Variants in ARHGEF10L observed in about 807,000 individuals in gnomAD.
The protein encoded by ARHGEF10L is rho guanine nucleotide exchange factor 10-like protein.
A neutral mutation model predicts 141.2 loss-of-function variants in ARHGEF10L; 69 were observed. That is an observed-to-expected ratio of 0.49 (90% CI 0.40 to 0.60). The LOEUF (loss-of-function observed/expected upper bound fraction) is 0.60, where lower values mean the gene tolerates loss of function less well. Among genes scored for constraint, ARHGEF10L ranks in the 20% least tolerant of loss-of-function variants. The probability of loss-of-function intolerance (pLI) is 0.00; values close to 1 mark genes in which losing one functional copy is unlikely to be tolerated. For missense variants in ARHGEF10L, 1,482 were observed against 1,734.3 expected (o/e 0.85, Z 2.58); for synonymous variants, 711 against 718.5 (o/e 0.99, Z 0.17).
intron 26 of ARHGEF10L, among the ~76,000 whole-genome samples, chr1:17,671,872 G>A (rs1461541414): frequency 6.6e-6 from 1 of 152,246 alleles, no homozygotes; most frequent in African/African-American, 2.4e-5. Context: ...CAGGCCTGAC[G>A]CAGAGCAGGT....
chr1:17,646,728 C>T (rs1410503585), intron 21 of ARHGEF10L, among the ~76,000 whole-genome samples: 10 of 151,874 alleles, frequency 6.6e-5, no homozygotes. Flanking sequence ...GCAGGCCTCT[C>T]TGAGAAGGAG....
chr1:17,697,117 C>A lies in ARHGEF10L; in HGVS notation c.3577C>A (p.Pro1193Thr). 1 of 1,610,130 alleles carries A rather than the reference C, an allele frequency of 6.2e-7. No individual in the cohort carries two copies. Among genetic ancestry groups the A allele is most frequent in the Non-Finnish European group, 8.5e-7 (1 of 1,178,332 alleles). ...GGGCCCGCTGCTCTCCATGCGGGAG[C>A]CGGCGCCTGCTGATGGCGCAGCTTT... ...LPGPLLSMRE[P>T]APADGAALEH... The change falls in exon 29 of 29, where the codon CCG becomes ACG. Residue 1193 changes from proline to threonine, a missense_variant. Transcript: ENST00000361221. The surrounding 1 kb of genome is among the most constrained non-coding windows in gnomAD (Gnocchi z 4.8).
At chr1:17,606,475 G>A (rs2081182926) in intron 6 of ARHGEF10L, among the ~76,000 whole-genome samples, 1 of 151,684 alleles carries the variant, frequency 6.6e-6, no homozygotes, top group African/African-American at 2.4e-5. Flanking sequence ...TGTATTTTTA[G>A]TAGAGATGGG....
chr1:17,638,560 A>G lies in ARHGEF10L; in HGVS notation c.2044-2A>G. The G allele has an allele frequency of 6.2e-7, 1 of 1,614,196 alleles. No individual in the cohort carries two copies. Among genetic ancestry groups the G allele is most frequent in the Admixed American group, 1.7e-5 (1 of 60,030 alleles). On this transcript the variant is annotated splice_acceptor_variant, in intron 19 of 28. Coordinates refer to ENST00000361221, the MANE Select transcript of ARHGEF10L (RefSeq NM_018125.4). LOFTEE classifies it high-confidence loss of function. ...TGACCTCATTGGCCTCCTGAACCCT[A>G]GAACCTGAACATGACTGTGGCTCAA...
Position 17,623,199 on chromosome 1 carries a change from C to G in ARHGEF10L, c.1200+24C>G. ...CGGTAAGTGTCCCCAAACTTTTTCC[C>G]CAGCCCACCAAGGTAAAACCACAAC... On this transcript the variant is annotated intron_variant, in intron 12 of 28. Coordinates refer to ENST00000361221, the MANE Select transcript of ARHGEF10L (RefSeq NM_018125.4). The surrounding 1 kb of genome is among the most constrained non-coding windows in gnomAD (Gnocchi z 4.7). 6.2e-7 allele frequency: 1 copy of G among 1,606,696 alleles called. No homozygotes were observed. The highest frequency in any genetic ancestry group is 8.5e-7 in the Non-Finnish European group (1 of 1,176,278).
At chr1:17,526,170 C>T in the ARHGEF10L span, among the ~76,000 whole-genome samples, 2 of 152,188 alleles carry the variant, frequency 1.3e-5, no homozygotes, top group Non-Finnish European at 2.9e-5. Context: ...TCTGGGTTCC[C>T]TGCCAGTGCT....
At chr1:17,652,409 C>T (rs1261341062) in intron 22 of ARHGEF10L, among the ~76,000 whole-genome samples, 1 of 152,172 alleles carries the variant, frequency 6.6e-6, no homozygotes, top group African/African-American at 2.4e-5. Context: ...GGAATGCTGC[C>T]TCAGCTCATG....
At chr1:17,535,968 T>C (rs1156349996), upstream of ARHGEF10L, among the ~76,000 whole-genome samples, 1 of 152,164 alleles carries the variant, frequency 6.6e-6, no homozygotes, top group Non-Finnish European at 1.5e-5. Flanking sequence ...ATGTGGTAGG[T>C]TGGGCACACT....
chr1:17,566,462 C>T (rs2077760282), intron 1 of ARHGEF10L, among the ~76,000 whole-genome samples: 1 of 152,234 alleles, frequency 6.6e-6, no homozygotes, highest in South Asian at 2.1e-4. Context: ...TCCCCAACAT[C>T]CCATGTACCT....
At chr1:17,593,861 GA>G (rs1256015781) in intron 4 of ARHGEF10L, among the ~76,000 whole-genome samples, 1 of 151,740 alleles carries the variant, frequency 6.6e-6, no homozygotes, top group African/African-American at 2.4e-5. Flanking sequence ...CCAGACCTGG[GA>G]GAGAGCGTCA....
Position 17,697,104 on chromosome 1 carries a change from C to G in ARHGEF10L, c.3564C>G (p.Leu1188=), listed in dbSNP as rs768135814. ...CCGCACACCTCCCGGGCCCGCTGCT[C>G]TCCATGCGGGAGCCGGCGCCTGCTG... The part of the protein sequence containing the change: ...RSTAHLPGPL[L]SMREPAPADG... The change falls in exon 29 of 29, where the codon CTC becomes CTG. Residue 1188 remains leucine (L), a synonymous_variant. Coordinates refer to ENST00000361221, the MANE Select transcript of ARHGEF10L (RefSeq NM_018125.4). This position sits in a 1 kb window ranked among gnomAD's most constrained non-coding sequence, Gnocchi z 4.8. 3 of 1,609,448 alleles carry G rather than the reference C, an allele frequency of 1.9e-6. No homozygotes were observed. Among genetic ancestry groups the G allele is most frequent in the Non-Finnish European group, 2.5e-6 (3 of 1,177,840 alleles).
intron 25 of ARHGEF10L, among the ~76,000 whole-genome samples, chr1:17,663,663 C>T (rs1571361538): frequency 2.0e-5 from 3 of 152,136 alleles, no homozygotes; most frequent in East Asian, 1.9e-4. Context: ...GCCTTGGAGT[C>T]GGCCAGAAGA....
chr1:17,552,590 T>C (rs1315589653), intron 1 of ARHGEF10L, among the ~76,000 whole-genome samples: 1 of 119,294 alleles, frequency 8.4e-6, no homozygotes. Context: ...TTTTTTTTTT[T>C]TTTTTTTTTT....
chr1:17,577,568 G>T (rs900497755), intron 1 of ARHGEF10L, among the ~76,000 whole-genome samples: 3 of 152,222 alleles, frequency 2.0e-5, no homozygotes, highest in Non-Finnish European at 2.9e-5. Flanking sequence ...CAGCCTGTGT[G>T]TGCAAAATGG....
At chr1:17,536,234 C>A (rs925469056), upstream of ARHGEF10L, among the ~76,000 whole-genome samples, 9 of 152,178 alleles carry the variant, frequency 5.9e-5, no homozygotes, top group African/African-American at 2.2e-4. Flanking sequence ...AATCCCGGCA[C>A]TTTGGGAGGC....
chr1:17,668,902 G>A (rs972756360), intron 26 of ARHGEF10L, among the ~76,000 whole-genome samples: 9 of 152,164 alleles, frequency 5.9e-5, no homozygotes, highest in Admixed American at 6.5e-5. Flanking sequence ...TGCTGCTAAC[G>A]ACTGCTTGAC....
intron 4 of ARHGEF10L, among the ~76,000 whole-genome samples, chr1:17,594,297 G>C (rs1359825774): frequency 6.6e-6 from 1 of 151,934 alleles, no homozygotes; most frequent in Middle Eastern, 3.2e-3. Flanking sequence ...CATGACATCA[G>C]CCCAAGGTCA....
rs1163154283 is a variant in ARHGEF10L, at chr1:17,673,266, C to A, written c.3009+8671C>A. Among the ~76,000 whole-genome samples, 1 of 152,080 alleles carries A rather than the reference C, an allele frequency of 6.6e-6. No homozygotes were observed. Among genetic ancestry groups the A allele is most frequent in the Non-Finnish European group, 1.5e-5 (1 of 68,004 alleles). ...ACCCCCCAGTCTTAGCTGGTAGCAG[C>A]CAGCCCCCGATCCTCGCCTCCCCTC... On this transcript the variant is annotated intron_variant, in intron 26 of 28. Transcript: ENST00000361221. The surrounding 1 kb of genome is among the most constrained non-coding windows in gnomAD (Gnocchi z 4.1).
chr1:17,654,366 C>T lies in ARHGEF10L; in HGVS notation c.2395-270C>T, dbSNP rs537235477. ...GTGGGTGGCTTTCAAGAAATCTTAT[C>T]TGAAAGCTGCTCACTTTCAGAGACC... On this transcript the variant is annotated intron_variant, in intron 22 of 28. Transcript: ENST00000361221. The surrounding 1 kb of genome is among the most constrained non-coding windows in gnomAD (Gnocchi z 4.3). Among the ~76,000 whole-genome samples the T allele has an allele frequency of 1.3e-5, 2 of 152,322 alleles. No individual in the cohort carries two copies. The highest frequency in any genetic ancestry group is 3.9e-4 in the East Asian group (2 of 5,180).
Sources: allele counts gnomAD v4.1 joint callset (sites outside exome capture counted in the v4.1 genomes callset), GRCh38; gene constraint gnomAD v4.1.1; non-coding constraint Gnocchi (gnomAD v3.1); transcripts MANE v1.5; gene names NCBI Gene and HGNC (gene_info 2026-07-23, HGNC 2026-07-21).